CCDC91: variants seen among roughly 807,000 people sequenced by gnomAD.
CCDC91 encodes the protein coiled-coil domain containing 91, also known as coiled-coil domain-containing protein 91.
CCDC91 carries 48 observed loss-of-function variants against 63.2 expected under a neutral mutation model. The ratio of observed to expected loss-of-function variants is 0.76; its 90% CI spans 0.60 to 0.97. CCDC91 has a LOEUF of 0.97. CCDC91 is among the 50% of genes least tolerant of loss of function. The pLI is 0.00. For missense variants in CCDC91, 500 were observed against 494.6 expected, an observed-to-expected ratio of 1.01 and a Z score of -0.10; for synonymous variants, 167 against 165.8, an observed-to-expected ratio of 1.01 and a Z score of -0.06.
chr12:28,363,911 A>G (rs1274491604), intron 7 of CCDC91, among the ~76,000 whole-genome samples: 1 of 150,114 alleles, frequency 6.7e-6, no homozygotes, highest in Non-Finnish European at 1.5e-5. Context: ...AAAAAGAAAA[A>G]TCATTTGGAT....
At chr12:28,403,719 T>A (rs1475725439) in intron 8 of CCDC91, among the ~76,000 whole-genome samples, 1 of 152,180 alleles carries the variant, frequency 6.6e-6, no homozygotes, top group Admixed American at 6.6e-5. Flanking sequence ...GATATAGGCC[T>A]ACTCAGATTG....
At position 28,383,729 on chromosome 12, in the gene CCDC91, A is replaced by G. The variant is rs138730549; in HGVS notation, c.655-7575A>G. On this transcript the variant is annotated intron_variant, in intron 7 of 12. Coordinates refer to ENST00000536442, the MANE Select transcript of CCDC91 (RefSeq NM_018318.5). ...GAATTTTACATTGAACTTTTAGATCATCTCTTGATGATAGATTTTACTCAT... is the reference window on the plus strand; with the variant it reads ...GAATTTTACATTGAACTTTTAGATCGTCTCTTGATGATAGATTTTACTCAT... 3.0e-3 allele frequency among the ~76,000 whole-genome samples: 452 copies of G among 152,270 alleles called. 5 individuals are homozygous for G. The highest frequency in any genetic ancestry group is 0.011 in the African/African-American group (439 of 41,574).
intron 8 of CCDC91, among the ~76,000 whole-genome samples, chr12:28,436,538 A>T (rs1446560607): frequency 1.3e-5 from 2 of 152,000 alleles, no homozygotes; most frequent in East Asian, 3.9e-4. Context: ...AATAACAAAA[A>T]TAAAACTTTT....
chr12:28,241,188 A>G (rs1945310693), intron 1 of CCDC91, among the ~76,000 whole-genome samples: 1 of 152,122 alleles, frequency 6.6e-6, no homozygotes, highest in African/African-American at 2.4e-5. Context: ...TCCCCTTTGT[A>G]TATCTTCTTT....
At chr12:28,264,421 G>A (rs959757089) in intron 3 of CCDC91, among the ~76,000 whole-genome samples, 10 of 149,778 alleles carry the variant, frequency 6.7e-5, no homozygotes, top group South Asian at 4.2e-4. Flanking sequence ...ACAAGTAACT[G>A]TCTTTTATAA....
chr12:28,355,755 T>A (rs1943483349), intron 6 of CCDC91, among the ~76,000 whole-genome samples: 1 of 152,196 alleles, frequency 6.6e-6, no homozygotes. Flanking sequence ...AGAAGTTTGC[T>A]TTTTTAATCC....
At chr12:28,498,344 CTG>C (rs1379437549) in intron 12 of CCDC91, among the ~76,000 whole-genome samples, 2 of 151,626 alleles carry the variant, frequency 1.3e-5, no homozygotes, top group Non-Finnish European at 3.0e-5. Flanking sequence ...GCACAGAAAA[CTG>C]TGAACAAGGC....
chr12:28,345,501 G>A (rs1384999720), intron 6 of CCDC91, among the ~76,000 whole-genome samples: 1 of 151,856 alleles, frequency 6.6e-6, no homozygotes, highest in East Asian at 1.9e-4. Context: ...GACTTTTATA[G>A]CTATTTATTC....
At chr12:28,494,791 A>G (rs1952193610) in intron 12 of CCDC91, among the ~76,000 whole-genome samples, 1 of 151,732 alleles carries the variant, frequency 6.6e-6, no homozygotes, top group African/African-American at 2.4e-5. Flanking sequence ...CCAGATGAAT[A>G]GTTGTATACC....
At position 28,543,104 on chromosome 12, in the gene CCDC91, TCTC is replaced by T. The variant is rs764242970; in HGVS notation, c.1216-5956_1216-5954del. Among the ~76,000 whole-genome samples the T allele has an allele frequency of 2.5e-4, 38 of 152,166 alleles. No individual in the cohort carries two copies. In the Middle Eastern group the frequency reaches 0.014, roughly 54 times the overall value. On this transcript the variant is annotated intron_variant, in intron 12 of 12. Coordinates refer to ENST00000536442, the MANE Select transcript of CCDC91 (RefSeq NM_018318.5). ...TTCGGCCTCCATCTTCACATAGACTTCTCCTTTGTATCTGTGTCTCTGTTTCTC... is the reference window on the plus strand; with the variant it reads ...TTCGGCCTCCATCTTCACATAGACTTCTTTGTATCTGTGTCTCTGTTTCTC...
chr12:28,354,322 A>G (rs962988961), intron 6 of CCDC91, among the ~76,000 whole-genome samples: 4 of 152,106 alleles, frequency 2.6e-5, no homozygotes, highest in African/African-American at 7.2e-5. Context: ...TTTCTACTCT[A>G]CATCTCTGTC....
At chr12:28,311,150 C>A (rs1369485471) in intron 6 of CCDC91, among the ~76,000 whole-genome samples, 2 of 151,938 alleles carry the variant, frequency 1.3e-5, no homozygotes, top group Non-Finnish European at 2.9e-5. Context: ...CCCTTTGACA[C>A]CCTGGGTAGG....
At chr12:28,529,068 T>G (rs777079407) in intron 12 of CCDC91, among the ~76,000 whole-genome samples, 3 of 152,146 alleles carry the variant, frequency 2.0e-5, no homozygotes, top group Non-Finnish European at 2.9e-5. Flanking sequence ...GGAAAGATGA[T>G]TGATGCTTTT....
chr12:28,421,636 C>T (rs1948020546), intron 8 of CCDC91, among the ~76,000 whole-genome samples: 1 of 151,366 alleles, frequency 6.6e-6, no homozygotes, highest in Non-Finnish European at 1.5e-5. Flanking sequence ...TTGATGAATC[C>T]AGTTTGTCAT....
At chr12:28,528,082 C>A (rs376581791) in intron 12 of CCDC91, among the ~76,000 whole-genome samples, 1 of 152,182 alleles carries the variant, frequency 6.6e-6, no homozygotes, top group Non-Finnish European at 1.5e-5. Flanking sequence ...GGAGTCTGCA[C>A]GCTGGATTCA....
chr12:28,321,214 C>A lies in CCDC91; in HGVS notation c.576+13465C>A, dbSNP rs1316897038. Among the ~76,000 whole-genome samples the A allele has an allele frequency of 1.3e-5, 2 of 151,618 alleles. 1 individual carries two copies. The highest frequency in any genetic ancestry group is 3.9e-4 in the East Asian group (2 of 5,138). ...CTTGCTGAGACAGCCTTTTTCTGAC[C>A]CTTCTGGTTAAAGTAGTTCTTCCCC... On this transcript the variant is annotated intron_variant, in intron 6 of 12. Coordinates refer to ENST00000536442, the MANE Select transcript of CCDC91 (RefSeq NM_018318.5).
chr12:28,351,003 C>T (rs1040849395), intron 6 of CCDC91, among the ~76,000 whole-genome samples: 1 of 152,104 alleles, frequency 6.6e-6, no homozygotes, highest in Non-Finnish European at 1.5e-5. Context: ...TTTAGGGGCA[C>T]AATGCAATCT....
chr12:28,503,325 C>G (rs1310160665), intron 12 of CCDC91, among the ~76,000 whole-genome samples: 17 of 152,002 alleles, frequency 1.1e-4, no homozygotes. Context: ...CCAAAAAACA[C>G]ATGAAAAAAT....
chr12:28,528,613 G>T (rs1358376044), intron 12 of CCDC91, among the ~76,000 whole-genome samples: 3 of 152,108 alleles, frequency 2.0e-5, no homozygotes, highest in Non-Finnish European at 4.4e-5. Flanking sequence ...TGTTCTGTAC[G>T]TCCAAGTGGG....
Sources: allele counts gnomAD v4.1 joint callset (sites outside exome capture counted in the v4.1 genomes callset), GRCh38; gene constraint gnomAD v4.1.1; transcripts MANE v1.5; gene names NCBI Gene and HGNC (gene_info 2026-07-23, HGNC 2026-07-21).